Variants in ABCC4 observed in about 807,000 individuals in gnomAD.
ABCC4 encodes the protein ATP binding cassette subfamily C member 4 (PEL blood group).
A neutral mutation model predicts 168.5 loss-of-function variants in ABCC4; 102 were observed. The ratio of observed to expected loss-of-function variants is 0.61; its 90% CI spans 0.52 to 0.71. The LOEUF is 0.71. Among genes scored for constraint, ABCC4 ranks in the 30% least tolerant of loss-of-function variants. The probability of loss-of-function intolerance (pLI) is 0.00; values close to 1 mark genes in which losing one functional copy is unlikely to be tolerated. For missense variants in ABCC4, 1,402 were observed against 1,605.8 expected (o/e 0.87, Z 2.17); for synonymous variants, 617 against 590.7 (o/e 1.04, Z -0.65).
chr13:95,123,891 G>A (rs148936020), intron 19 of ABCC4, among the ~76,000 whole-genome samples: 166 of 152,338 alleles, frequency 1.1e-3, no homozygotes, highest in Non-Finnish European at 2.1e-3. Flanking sequence ...TGGGAACAGG[G>A]CCTGAGAATT....
chr13:95,108,651 T>TTTTTA (rs1555313471), intron 20 of ABCC4, among the ~76,000 whole-genome samples: 3 of 151,888 alleles, frequency 2.0e-5, no homozygotes, highest in Non-Finnish European at 4.4e-5. Flanking sequence ...CTTTTTTTTT[T>TTTTTA]TTTTATTTTA....
chr13:95,183,345 C>G (rs1231920556), intron 11 of ABCC4, among the ~76,000 whole-genome samples: 1 of 152,138 alleles, frequency 6.6e-6, no homozygotes, highest in East Asian at 1.9e-4. Context: ...ATTACACATG[C>G]AATCTCTGTA....
chr13:95,095,511 T>A (rs1159970441), intron 20 of ABCC4, among the ~76,000 whole-genome samples: 1 of 152,118 alleles, frequency 6.6e-6, no homozygotes, highest in Non-Finnish European at 1.5e-5. Flanking sequence ...GGCATAAGAA[T>A]GATACAATGG....
chr13:95,244,636 A>G (rs1054038295), intron 3 of ABCC4, among the ~76,000 whole-genome samples: 863 of 39,514 alleles, frequency 0.022, 263 homozygotes, highest in Non-Finnish European at 0.031. Flanking sequence ...AAAGAAAGAA[A>G]GAAAGAAAGA....
chr13:95,240,498 T>C (rs4773858), intron 3 of ABCC4, among the ~76,000 whole-genome samples: 44,066 of 151,204 alleles, frequency 0.29, 7,503 homozygotes, highest in Non-Finnish European at 0.38. Flanking sequence ...GCCACTGCAC[T>C]CCAGCCTGGG....
chr13:95,186,720 T>C lies in ABCC4; in HGVS notation c.1526A>G (p.Lys509Arg), dbSNP rs758427824. Reference protein sequence around the residue: ...YEKERYEKVIKACALKKDLQL... With the variant: ...YEKERYEKVIRACALKKDLQL... ...ACTCACCTTTTTCAGAGCACAAGCC[T>C]TTATGACTTTTTCATATCGTTCCTT... The change falls in exon 11 of 31, where the codon AAG (lysine) becomes AGG (arginine). Residue 509 changes from lysine (K) to arginine (R), a missense_variant. Around this residue, in one of 3 missense-constraint regions of ABCC4, gnomAD observed 1,007 missense variants for 1,127.3 expected, o/e 0.89. Coordinates refer to ENST00000645237, the MANE Select transcript of ABCC4 (RefSeq NM_005845.5). 6.2e-7 allele frequency: 1 copy of C among 1,613,986 alleles called. No individual in the cohort carries two copies. Among genetic ancestry groups the C allele is most frequent in the Admixed American group, 1.7e-5 (1 of 59,994 alleles).
intron 17 of ABCC4, 123 bp from the exon 18 acceptor site, chr13:95,163,339 T>C (rs1208233916): frequency 2.8e-6 from 2 of 725,636 alleles, no homozygotes; most frequent in Admixed American, 2.6e-5. Context: ...CTCAGCTCAC[T>C]TAGTCTTGTG....
At chr13:95,172,320 G>A (rs1007948419) in intron 13 of ABCC4, among the ~76,000 whole-genome samples, 6 of 152,294 alleles carry the variant, frequency 3.9e-5, no homozygotes, top group South Asian at 2.1e-4. Flanking sequence ...GGGGGCTCAC[G>A]CCTATAATTC....
chr13:95,135,658 C>T (rs1428871531), intron 19 of ABCC4, among the ~76,000 whole-genome samples: 25 of 152,146 alleles, frequency 1.6e-4, no homozygotes, highest in Admixed American at 1.6e-3. Flanking sequence ...AAGCGATCCA[C>T]CTGTCTCTGC....
intron 29 of ABCC4, among the ~76,000 whole-genome samples, chr13:95,038,736 C>A (rs2032232591): frequency 6.6e-6 from 1 of 152,122 alleles, no homozygotes; most frequent in Non-Finnish European, 1.5e-5. Flanking sequence ...ATGCACACTG[C>A]CTAAAAGTTA....
chr13:95,111,299 T>C (rs1594112709), intron 20 of ABCC4, among the ~76,000 whole-genome samples: 1 of 152,236 alleles, frequency 6.6e-6, no homozygotes, highest in African/African-American at 2.4e-5. Flanking sequence ...AAGAAAAACA[T>C]GTTTGAACAA....
intron 8 of ABCC4, among the ~76,000 whole-genome samples, chr13:95,199,031 T>C (rs146694992): frequency 0.053 from 8,042 of 152,134 alleles, 674 homozygotes; most frequent in African/African-American, 0.18. Context: ...ACCTAGATGA[T>C]GGGTTGATGG....
intron 1 of ABCC4, among the ~76,000 whole-genome samples, chr13:95,284,260 CACT>C (rs2041203079): frequency 6.6e-6 from 1 of 152,062 alleles, no homozygotes; most frequent in Admixed American, 6.6e-5. Context: ...GATCATGTGT[CACT>C]GCAGCCACAA....
At chr13:95,077,976 C>A (rs564319489) in intron 21 of ABCC4, among the ~76,000 whole-genome samples, 25 of 152,190 alleles carry the variant, frequency 1.6e-4, no homozygotes, top group African/African-American at 6.0e-4. Flanking sequence ...AAGTGGGAAG[C>A]CCTGGGTTGG....
At chr13:95,289,871 C>T (rs1163054514) in intron 1 of ABCC4, among the ~76,000 whole-genome samples, 1 of 151,836 alleles carries the variant, frequency 6.6e-6, no homozygotes, top group African/African-American at 2.4e-5. Context: ...CCAAGGCTGA[C>T]GGATCACCTG....
intron 19 of ABCC4, among the ~76,000 whole-genome samples, chr13:95,153,169 T>C (rs1314749871): frequency 6.6e-6 from 1 of 152,244 alleles, no homozygotes; most frequent in East Asian, 1.9e-4. Flanking sequence ...TTGATTCTTT[T>C]CTGACAATAA....
intron 9 of ABCC4, among the ~76,000 whole-genome samples, chr13:95,191,929 GC>G (rs1294407571): frequency 1.3e-5 from 2 of 152,246 alleles, no homozygotes; most frequent in Non-Finnish European, 2.9e-5. Flanking sequence ...GTGGGCTGCA[GC>G]CAGAAGGGGG....
At chr13:95,065,585 C>T (rs1282872369) in intron 25 of ABCC4, among the ~76,000 whole-genome samples, 1 of 152,152 alleles carries the variant, frequency 6.6e-6, no homozygotes, top group Non-Finnish European at 1.5e-5. Context: ...GATGTTTAGG[C>T]TCCAATATTT....
At chr13:95,112,795 C>T (rs2035248704) in intron 20 of ABCC4, among the ~76,000 whole-genome samples, 1 of 152,084 alleles carries the variant, frequency 6.6e-6, no homozygotes, top group Admixed American at 6.5e-5. Context: ...TGATTATTAC[C>T]TATTGAACCT....
Sources: gnomAD v4.1 joint callset for allele counts (sites outside exome capture counted in the v4.1 genomes callset) on GRCh38, gnomAD v4.1.1 for gene constraint, gnomAD v4.1.1 regional missense constraint, MANE v1.5 for transcripts, NCBI Gene and HGNC (gene_info 2026-07-23, HGNC 2026-07-21) for gene names.